Variants in FAM20C observed in about 807,000 individuals in gnomAD.
FAM20C encodes extracellular serine/threonine protein kinase FAM20C.
A neutral mutation model predicts 51.5 loss-of-function variants in FAM20C; 40 were observed. The ratio of observed to expected loss-of-function variants is 0.78; its 90% CI spans 0.60 to 1.01. The LOEUF (loss-of-function observed/expected upper bound fraction) is 1.01. FAM20C is among the 50% of genes least tolerant of loss of function. The pLI, the probability that FAM20C is intolerant of heterozygous loss-of-function variation, is 0.00. For synonymous variants in FAM20C, 406 were observed against 380.6 expected (o/e 1.07, Z -0.78); for missense variants, 861 against 844.7 (o/e 1.02, Z -0.24).
rs1788824821 is a variant in FAM20C, at chr7:260,181, G to A, written c.*201G>A. 1.4e-6 allele frequency: 1 copy of A among 736,314 alleles called. No individual in the cohort carries two copies. Among genetic ancestry groups the A allele is most frequent in the Non-Finnish European group, 2.0e-6 (1 of 495,202 alleles). 45.6% of individuals were successfully genotyped at this position (736,314 alleles called of 1,614,324 possible). ...TGTTTGACCAGAAAAGCTTGGGAAG[G>A]AAGCGCTGTCTGTGCTCACGGACAG... On this transcript the variant is annotated 3_prime_UTR_variant, in exon 10 of 10. Transcript: ENST00000313766.
intron 3 of FAM20C, among the ~76,000 whole-genome samples, chr7:244,625 C>G (rs1400193787): frequency 1.3e-5 from 2 of 152,232 alleles, no homozygotes; most frequent in South Asian, 4.1e-4. Context: ...TGCACCCCAA[C>G]CCTCCTTTGC....
intron 1 of FAM20C, among the ~76,000 whole-genome samples, chr7:194,653 G>T (rs1012810773): frequency 2.6e-5 from 4 of 152,190 alleles, no homozygotes; most frequent in African/African-American, 9.6e-5. Flanking sequence ...AGCCTTGCCT[G>T]CTGGTCAGGT....
chr7:241,706 G>A (rs1336203097), intron 3 of FAM20C, among the ~76,000 whole-genome samples: 3 of 152,154 alleles, frequency 2.0e-5, no homozygotes, highest in Non-Finnish European at 2.9e-5. Flanking sequence ...GTGTGCACAC[G>A]TGTTAATGTG....
intron 3 of FAM20C, among the ~76,000 whole-genome samples, chr7:217,416 G>T: frequency 1.3e-5 from 2 of 152,270 alleles, no homozygotes; most frequent in Admixed American, 6.5e-5. Flanking sequence ...CCCCCCTTTA[G>T]GGTAGAGCTG....
At chr7:206,966 G>C (rs552657446) in intron 2 of FAM20C, among the ~76,000 whole-genome samples, 2 of 52,570 alleles carry the variant, frequency 3.8e-5, no homozygotes, top group Admixed American at 1.7e-4. Context: ...CGGCCCCCTC[G>C]GCCCCGCACA....
chr7:222,023 T>G (rs1332854319), intron 3 of FAM20C, among the ~76,000 whole-genome samples: 1 of 119,210 alleles, frequency 8.4e-6, no homozygotes. Flanking sequence ...GCAGGAGCCG[T>G]TCTTAGCATC....
chr7:247,172 G>A (rs933171510), intron 4 of FAM20C, among the ~76,000 whole-genome samples: 5 of 152,222 alleles, frequency 3.3e-5, no homozygotes, highest in East Asian at 1.9e-4. Context: ...CCCCACGGTC[G>A]CCTGTCTCCA....
chr7:214,853 C>T (rs182409229), intron 3 of FAM20C, among the ~76,000 whole-genome samples: 5 of 152,244 alleles, frequency 3.3e-5, no homozygotes, highest in East Asian at 1.9e-4. Flanking sequence ...AGGCATGCGG[C>T]GGCTGCCCAT....
rs942188492 is a variant in FAM20C at position 195,493 on chromosome 7, G to C, written c.606-61G>C. On this transcript the variant is annotated intron_variant, in intron 1 of 9. Transcript: ENST00000313766. ...ACACTGGCGTCGGTGCCCTCTCCCC[G>C]TCATCCGACTCACGGGCCTGTTCTT... is the stretch of plus-strand genomic sequence containing the variant. The C allele has an allele frequency of 3.7e-6, 5 of 1,368,062 alleles. No individual in the cohort carries two copies. In the African/African-American group the frequency reaches 5.9e-5, roughly 16 times the overall value. The allele number at this position is 1,368,062 out of a possible 1,614,324, so 84.7% of individuals were successfully genotyped here. A position where few individuals can be genotyped will look rare whatever the true frequency, so the allele number is the denominator to read the frequency against.
chr7:258,157 TA>T (rs1562401515), intron 8 of FAM20C, among the ~76,000 whole-genome samples: 7 of 86,546 alleles, frequency 8.1e-5, no homozygotes, highest in African/African-American at 3.5e-4. Context: ...GTGCTGGAGA[TA>T]GGCAGGGTGG....
At chr7:246,052 G>T (rs1788141077) in intron 3 of FAM20C, 1 of 181,864 alleles carries the variant, frequency 5.5e-6, no homozygotes. Flanking sequence ...GTCCCAGGGT[G>T]GACGTGCCGG....
intron 2 of FAM20C, among the ~76,000 whole-genome samples, chr7:205,062 G>T (rs1311198428): frequency 6.6e-6 from 1 of 152,344 alleles, no homozygotes; most frequent in South Asian, 2.1e-4. Context: ...AGGAGCAGCC[G>T]AGTTTCTGGC....
chr7:246,156 C>T (rs1342405404), intron 3 of FAM20C: 15 of 447,972 alleles, frequency 3.3e-5, no homozygotes, highest in African/African-American at 6.3e-5. Context: ...CAAGGGCCTG[C>T]GCTGCTCTGA....
intron 2 of FAM20C, among the ~76,000 whole-genome samples, chr7:204,617 G>A (rs575797476): frequency 7.9e-5 from 12 of 152,060 alleles, no homozygotes; most frequent in Admixed American, 1.3e-4. Context: ...CCCACACTGC[G>A]GCTGTTCTCA....
intron 5 of FAM20C, 68 bp from the exon 6 acceptor site, chr7:255,781 G>C (rs377304861): frequency 6.6e-7 from 1 of 1,511,190 alleles, no homozygotes; most frequent in African/African-American, 1.4e-5. Flanking sequence ...GGCCTTGGGG[G>C]CCGTGAGACC....
intron 3 of FAM20C, among the ~76,000 whole-genome samples, chr7:219,054 T>C (rs1787132140): frequency 6.6e-6 from 1 of 152,138 alleles, no homozygotes; most frequent in Admixed American, 6.5e-5. Flanking sequence ...TCCCCAGTGC[T>C]CCCCACCGCA....
chr7:237,017 A>G (rs1787870217), intron 3 of FAM20C, among the ~76,000 whole-genome samples: 1 of 152,250 alleles, frequency 6.6e-6, no homozygotes, highest in Admixed American at 6.5e-5. Flanking sequence ...GAAAAGGGGC[A>G]TCCAGAAGCC....
Position 260,186 on chromosome 7 carries a change from G to T in FAM20C, c.*206G>T. The stretch of plus-strand genomic sequence containing the variant: ...GACCAGAAAAGCTTGGGAAGGAAGC[G>T]CTGTCTGTGCTCACGGACAGAGGCG... On this transcript the variant is annotated 3_prime_UTR_variant, in exon 10 of 10. Coordinates refer to ENST00000313766, the MANE Select transcript of FAM20C (RefSeq NM_020223.4). 1 of 680,674 alleles carries T rather than the reference G, an allele frequency of 1.5e-6. No individual in the cohort carries two copies. The highest frequency in any genetic ancestry group is 2.2e-6 in the Non-Finnish European group (1 of 447,886). 42.2% of individuals were successfully genotyped at this position (680,674 alleles called of 1,614,324 possible). A position where few individuals can be genotyped will look rare whatever the true frequency, so the allele number is the denominator to read the frequency against.
chr7:218,433 C>G (rs147747441), intron 3 of FAM20C, among the ~76,000 whole-genome samples: 3,470 of 152,356 alleles, frequency 0.023, 53 homozygotes, highest in Non-Finnish European at 0.036. Context: ...GGTGTGGCCC[C>G]TCTGACGGGA....
Sources: gnomAD v4.1 joint callset for allele counts (sites outside exome capture counted in the v4.1 genomes callset) on GRCh38, gnomAD v4.1.1 for gene constraint, MANE v1.5 for transcripts, NCBI Gene and HGNC (gene_info 2026-07-23, HGNC 2026-07-21) for gene names.